The following CXorf58 variants were observed in gnomAD, a reference collection of about 807,000 sequenced individuals.
CXorf58 encodes chromosome X open reading frame 58, also known as uncharacterized protein CXorf58.
Under a neutral mutation model 26.0 loss-of-function variants are expected in CXorf58, and 24 were observed. The observed-to-expected ratio is 0.92, with a 90% confidence interval of 0.67 to 1.30. The LOEUF is 1.30. Among genes scored for constraint, CXorf58 ranks in the 50% most tolerant of loss-of-function variants. The pLI is 0.00. For synonymous variants in CXorf58, 87 were observed against 86.1 expected, an observed-to-expected ratio of 1.01 and a Z score of -0.06; for missense variants, 236 against 263.9, an observed-to-expected ratio of 0.89 and a Z score of 0.73.
In CXorf58 at chrX:23,916,269, A is replaced by G. The variant is rs757870174; in HGVS notation, c.364A>G (p.Thr122Ala). 8.3e-7 allele frequency: 1 copy of G among 1,205,351 alleles called. No individual in the cohort carries two copies. The highest frequency in any genetic ancestry group is 1.1e-6 in the Non-Finnish European group (1 of 891,312). ...PFIVFKIFLH[T>A]DGHGYKYFSG... Reference sequence around the variant, plus strand: ...CATCGTGTTTAAAATTTTTCTTCATACTGATGGCCATGGTTACAAGTATTT... The same window carrying G: ...CATCGTGTTTAAAATTTTTCTTCATGCTGATGGCCATGGTTACAAGTATTT... Residue 122 changes from threonine (T) to alanine (A), a missense_variant, in exon 5 of 9, where the codon ACT becomes GCT. Physicochemically the swap from Thr to Ala is moderately conservative, Grantham distance 58. Transcript: ENST00000379211.
At chrX:23,909,024 C>T (rs911165292) in intron 1 of CXorf58, among the ~76,000 whole-genome samples, 1 of 111,611 alleles carries the variant, frequency 9.0e-6, no homozygotes, top group Non-Finnish European at 1.9e-5. Flanking sequence ...CTGTGACTGC[C>T]AGCCTTGGTG....
At position 23,921,995 on chromosome X, in the gene CXorf58, A is replaced by G. The variant is rs995371224; in HGVS notation, c.424-5244A>G. ...TGAGCCTACTGAGCACTTTCTATCA[A>G]ATATGATCTTAAACATTTTATGCAC... On this transcript the variant is annotated intron_variant, in intron 5 of 8. Transcript: ENST00000379211. Among the ~76,000 whole-genome samples the G allele has an allele frequency of 2.3e-4, 26 of 111,225 alleles. No homozygotes were observed. The South Asian group carries it at 4.6e-3, about 20-fold the overall frequency.
intron 6 of CXorf58, among the ~76,000 whole-genome samples, chrX:23,932,840 C>A (rs923883921): frequency 9.0e-6 from 1 of 111,024 alleles, no homozygotes; most frequent in African/African-American, 3.3e-5. Context: ...ACTAAAAATA[C>A]AAAAATTAGC....
intron 5 of CXorf58, among the ~76,000 whole-genome samples, chrX:23,919,555 C>T (rs1927811864): frequency 8.9e-6 from 1 of 112,269 alleles, no homozygotes; most frequent in African/African-American, 3.2e-5. Context: ...TACGTCAGAA[C>T]ATGAACACAA....
intron 3 of CXorf58, among the ~76,000 whole-genome samples, chrX:23,912,101 G>T (rs1237406556): frequency 9.1e-6 from 1 of 110,356 alleles, no homozygotes; most frequent in Non-Finnish European, 1.9e-5. Flanking sequence ...ACAGGCACCT[G>T]TCACCATGCC....
intron 6 of CXorf58, among the ~76,000 whole-genome samples, chrX:23,931,935 T>C (rs975020834): frequency 8.9e-6 from 1 of 112,720 alleles, no homozygotes; most frequent in Non-Finnish European, 1.9e-5. Context: ...ATTTAAAACA[T>C]TAGAAACATA....
intron 5 of CXorf58, among the ~76,000 whole-genome samples, chrX:23,925,131 C>G (rs1350172316): frequency 9.0e-6 from 1 of 111,652 alleles, no homozygotes; most frequent in Non-Finnish European, 1.9e-5. Context: ...AAAACTTCAA[C>G]CATTCAACCA....
intron 2 of CXorf58, 133 bp from the exon 3 acceptor site, chrX:23,911,624 A>G (rs1338979196): frequency 5.0e-6 from 2 of 396,428 alleles, no homozygotes; most frequent in Non-Finnish European, 8.7e-6. Context: ...CCACATCCAA[A>G]TGTTCCTCAT....
At chrX:23,924,453 C>T (rs1199613860) in intron 5 of CXorf58, among the ~76,000 whole-genome samples, 1 of 109,741 alleles carries the variant, frequency 9.1e-6, no homozygotes, top group Non-Finnish European at 1.9e-5. Flanking sequence ...TCCCAAGTAG[C>T]TGGGATTACA....
At chrX:23,930,145 C>T (rs1029465014) in intron 6 of CXorf58, among the ~76,000 whole-genome samples, 2 of 82,755 alleles carry the variant, frequency 2.4e-5, no homozygotes, top group Non-Finnish European at 4.3e-5. Flanking sequence ...TGCAGTGAGC[C>T]GAGATTGCAC....
At chrX:23,931,922 A>G (rs2147077150) in intron 6 of CXorf58, among the ~76,000 whole-genome samples, 1 of 112,905 alleles carries the variant, frequency 8.9e-6, no homozygotes, top group African/African-American at 3.2e-5. Flanking sequence ...TTAGTACACT[A>G]TAATTTAAAA....
chrX:23,932,859 G>T (rs987764759), intron 6 of CXorf58, among the ~76,000 whole-genome samples: 1 of 111,431 alleles, frequency 9.0e-6, no homozygotes. Context: ...GCCGGGCCTG[G>T]TGGCACACGC....
rs1264670067 is a variant in CXorf58 at position 23,931,485 on chromosome X, G to A, written c.556-3711G>A. On this transcript the variant is annotated intron_variant, in intron 6 of 8. Transcript: ENST00000379211. ...AGTTTAACAAGCCTCAAAAAAACTT[G>A]CCTGAGGTCACAGACAGATCTGATA... Among the ~76,000 whole-genome samples the A allele has an allele frequency of 1.3e-4, 14 of 111,840 alleles. No homozygotes were observed. In the Admixed American group the frequency reaches 1.3e-3, roughly 11 times the overall value.
intron 1 of CXorf58, among the ~76,000 whole-genome samples, chrX:23,909,755 A>C: frequency 8.9e-6 from 1 of 112,335 alleles, no homozygotes; most frequent in Non-Finnish European, 1.9e-5. Context: ...AGGTGGAATC[A>C]GAAATTTAGT....
chrX:23,913,106 C>G (rs1927626980), intron 3 of CXorf58, among the ~76,000 whole-genome samples: 1 of 111,169 alleles, frequency 9.0e-6, no homozygotes, highest in Admixed American at 9.6e-5. Flanking sequence ...CCTAGCAGAG[C>G]CTTCCTTGGC....
chrX:23,908,770 AGTGAC>A (rs1173577677), intron 1 of CXorf58, among the ~76,000 whole-genome samples: 2 of 112,581 alleles, frequency 1.8e-5, no homozygotes, highest in East Asian at 2.8e-4. Context: ...GAATTTGTAC[AGTGAC>A]GTGCCACTGC....
chrX:23,912,333 T>G (rs1298858403), intron 3 of CXorf58, among the ~76,000 whole-genome samples: 1 of 112,109 alleles, frequency 8.9e-6, no homozygotes, highest in Non-Finnish European at 1.9e-5. Context: ...AGATGAGTAT[T>G]TCTGGATTTT....
At chrX:23,928,375 G>T (rs780306247) in intron 6 of CXorf58, among the ~76,000 whole-genome samples, 1 of 110,595 alleles carries the variant, frequency 9.0e-6, no homozygotes, top group East Asian at 2.8e-4. Context: ...TAGAGACGGG[G>T]TTTCACCATA....
chrX:23,921,144 C>A (rs1927856881), intron 5 of CXorf58, among the ~76,000 whole-genome samples: 1 of 111,244 alleles, frequency 9.0e-6, no homozygotes, highest in Admixed American at 9.6e-5. Context: ...CCTGGGTCTA[C>A]TCCTGCCACC....
Sources: allele counts gnomAD v4.1 joint callset (sites outside exome capture counted in the v4.1 genomes callset), GRCh38; gene constraint gnomAD v4.1.1; transcripts MANE v1.5; gene names NCBI Gene and HGNC (gene_info 2026-07-23, HGNC 2026-07-21).